Variants in PTPRO observed in about 807,000 individuals in gnomAD.
PTPRO encodes the protein receptor-type tyrosine-protein phosphatase O.
PTPRO carries 62 observed loss-of-function variants against 145.2 expected under a neutral mutation model. The observed-to-expected ratio is 0.43, with a 90% CI of 0.35 to 0.53. PTPRO has a LOEUF of 0.53. Among genes scored for constraint, PTPRO ranks in the 20% least tolerant of loss-of-function variants. PTPRO has a pLI of 0.01. For missense variants in PTPRO, 1,345 were observed against 1,482.7 expected (o/e 0.91, Z 1.53); for synonymous variants, 565 against 514.7 (o/e 1.10, Z -1.32).
intron 1 of PTPRO, among the ~76,000 whole-genome samples, chr12:15,435,761 C>G (rs138760225): frequency 6.6e-6 from 1 of 152,228 alleles, no homozygotes; most frequent in Non-Finnish European, 1.5e-5. Flanking sequence ...AATGATTGTT[C>G]AGTACCATGG....
At chr12:15,530,921 A>T (rs1439460287) in intron 12 of PTPRO, among the ~76,000 whole-genome samples, 1 of 152,144 alleles carries the variant, frequency 6.6e-6, no homozygotes, top group Non-Finnish European at 1.5e-5. Flanking sequence ...AATACAGAAG[A>T]TCAACACAAC....
rs567954851 is a variant in PTPRO at position 15,418,931 on chromosome 12, A to G, written c.76-65043A>G. ...CACATAAAAATTAAACATTTAAATA[A>G]AAGTAGAAAAATTGTGACACTTTTT... On this transcript the variant is annotated intron_variant, in intron 1 of 26. Transcript: ENST00000281171. Among the ~76,000 whole-genome samples the G allele has an allele frequency of 6.6e-5, 10 of 151,906 alleles. 1 individual carries two copies. Among genetic ancestry groups the G allele is most frequent in the African/African-American group, 1.9e-4 (8 of 41,152 alleles).
intron 12 of PTPRO, among the ~76,000 whole-genome samples, chr12:15,532,491 TCTAAGTCCTGACCACAAAAGAACAG>T (rs887946611): frequency 5.3e-5 from 8 of 152,156 alleles, no homozygotes; most frequent in Non-Finnish European, 1.0e-4. Flanking sequence ...GGCTAGCATT[TCTAAGTCCTGACCACAAAAGAACAG>T]CTAATTCCCT....
Position 15,360,919 on chromosome 12 carries a change from T to C in PTPRO, c.75+38118T>C, listed in dbSNP as rs188448139. ...ATATACACACACATATATACACACA[T>C]GTATATACACACACATATATACACA... On this transcript the variant is annotated intron_variant, in intron 1 of 26. Coordinates refer to ENST00000281171, the MANE Select transcript of PTPRO (RefSeq NM_030667.3). Among the ~76,000 whole-genome samples the C allele has an allele frequency of 8.4e-3, 1,219 of 145,180 alleles. 31 individuals are homozygous for C. The highest frequency in any genetic ancestry group is 9.3e-3 in the Non-Finnish European group (611 of 65,794).
Position 15,516,885 on chromosome 12 carries a change from C to T in PTPRO, c.1708C>T (p.Pro570Ser), listed in dbSNP as rs773974347. The T allele has an allele frequency of 1.9e-6, 3 of 1,613,642 alleles. No individual in the cohort carries two copies. Among genetic ancestry groups the T allele is most frequent in the Non-Finnish European group, 8.5e-7 (1 of 1,179,658 alleles). Residue 570 changes from proline to serine, a missense_variant, in exon 9 of 27, where the codon CCT becomes TCT. Pro to Ser is a moderately conservative substitution (Grantham distance 74). This residue lies in a region of PTPRO where 1,130 missense variants were observed against 1,214.7 expected (regional missense o/e 0.93). Coordinates refer to ENST00000281171, the MANE Select transcript of PTPRO (RefSeq NM_030667.3). Reference protein sequence around the residue: ...KYVVEMFYFNPATMTSEWTTY... With the variant: ...KYVVEMFYFNSATMTSEWTTY... The stretch of plus-strand genomic sequence containing the variant: ...CGTGGTTGAAATGTTTTATTTCAAC[C>T]CTGCTACAATGACATCAGAGTGGAC...
At chr12:15,537,046 T>C (rs981082656) in intron 12 of PTPRO, among the ~76,000 whole-genome samples, 2 of 152,122 alleles carry the variant, frequency 1.3e-5, no homozygotes, top group Non-Finnish European at 2.9e-5. Flanking sequence ...ACAGCAAGAT[T>C]TGCGGCCTGA....
intron 1 of PTPRO, among the ~76,000 whole-genome samples, chr12:15,483,675 G>A (rs943681935): frequency 3.9e-5 from 6 of 152,014 alleles, no homozygotes; most frequent in South Asian, 4.1e-4. Flanking sequence ...CTCCTCCACA[G>A]GATGTTTATT....
intron 1 of PTPRO, among the ~76,000 whole-genome samples, chr12:15,474,702 T>C (rs1416508089): frequency 6.6e-6 from 1 of 152,224 alleles, no homozygotes; most frequent in African/African-American, 2.4e-5. Flanking sequence ...ATTAACCAAA[T>C]AAATCAGCAT....
chr12:15,441,346 A>G (rs983231649), intron 1 of PTPRO, among the ~76,000 whole-genome samples: 2 of 152,220 alleles, frequency 1.3e-5, no homozygotes, highest in African/African-American at 4.8e-5. Context: ...TCTGGGATTC[A>G]GCAAAAGCAG....
At chr12:15,482,180 TG>T in intron 1 of PTPRO, among the ~76,000 whole-genome samples, 1 of 140,230 alleles carries the variant, frequency 7.1e-6, no homozygotes, top group East Asian at 2.6e-4. Context: ...TATATATATA[TG>T]TGTGTGTGTG....
intron 12 of PTPRO, among the ~76,000 whole-genome samples, chr12:15,537,641 G>A (rs1044855592): frequency 2.0e-5 from 3 of 152,206 alleles, no homozygotes; most frequent in Admixed American, 6.5e-5. Context: ...CTAAAGAATA[G>A]AAGAATCCAA....
intron 19 of PTPRO, among the ~76,000 whole-genome samples, chr12:15,571,940 T>C (rs1944061059): frequency 6.6e-6 from 1 of 152,238 alleles, no homozygotes; most frequent in Non-Finnish European, 1.5e-5. Context: ...ATAAATTTTA[T>C]GTGCTAAATG....
chr12:15,507,410 A>AAAATAAAT (rs201609031), intron 6 of PTPRO, among the ~76,000 whole-genome samples: 4,143 of 122,930 alleles, frequency 0.034, 84 homozygotes, highest in Middle Eastern at 0.053. Flanking sequence ...ACTCCATCTC[A>AAAATAAAT]AAATAAATAA....
chr12:15,580,595 T>A, intron 21 of PTPRO, 102 bp from the exon 22 acceptor site: 1 of 1,464,626 alleles, frequency 6.8e-7, no homozygotes, highest in Non-Finnish European at 9.5e-7. Context: ...CCTTTGCCAA[T>A]TTTATCACCA....
chr12:15,422,125 A>C (rs979377242), intron 1 of PTPRO, among the ~76,000 whole-genome samples: 2 of 152,132 alleles, frequency 1.3e-5, no homozygotes, highest in African/African-American at 4.8e-5. Context: ...AACTTGCCCC[A>C]GGGAGTAGGA....
chr12:15,438,642 C>A (rs1316102571), intron 1 of PTPRO, among the ~76,000 whole-genome samples: 1 of 151,438 alleles, frequency 6.6e-6, no homozygotes, highest in Non-Finnish European at 1.5e-5. Flanking sequence ...TTGAACTAAC[C>A]CAATATGGCA....
Position 15,562,305 on chromosome 12 carries a change from C to T in PTPRO, c.2711+2029C>T, listed in dbSNP as rs147071697. Reference sequence around the variant, plus strand: ...CATCTAATAACTTGTGGTTATTTTCCCCTGCTTTCATTGGCTAAAGAGTCA... The same window carrying T: ...CATCTAATAACTTGTGGTTATTTTCTCCTGCTTTCATTGGCTAAAGAGTCA... On this transcript the variant is annotated intron_variant, in intron 17 of 26. Transcript: ENST00000281171. Among the ~76,000 whole-genome samples, 150 of 152,166 alleles carry T rather than the reference C, an allele frequency of 9.9e-4. 1 individual carries two copies. The highest frequency in any genetic ancestry group is 3.6e-3 in the African/African-American group (149 of 41,522).
intron 19 of PTPRO, 67 bp downstream of exon 19, chr12:15,569,565 T>A: frequency 7.3e-7 from 1 of 1,378,292 alleles, no homozygotes; most frequent in East Asian, 2.3e-5. Flanking sequence ...GGGTTTGTGT[T>A]GCGGTCATGT....
intron 1 of PTPRO, among the ~76,000 whole-genome samples, chr12:15,376,533 A>G (rs754517030): frequency 6.6e-6 from 1 of 152,218 alleles, no homozygotes; most frequent in Non-Finnish European, 1.5e-5. Flanking sequence ...CTCCAGAAAG[A>G]TAAGTATACA....
Sources: gnomAD v4.1 joint callset for allele counts (sites outside exome capture counted in the v4.1 genomes callset) on GRCh38, gnomAD v4.1.1 for gene constraint, gnomAD v4.1.1 regional missense constraint, MANE v1.5 for transcripts, NCBI Gene and HGNC (gene_info 2026-07-23, HGNC 2026-07-21) for gene names.